The following UBE2D4 variants were observed in gnomAD, a reference collection of about 807,000 sequenced individuals.
The protein encoded by UBE2D4 is ubiquitin-conjugating enzyme E2 D4.
UBE2D4 carries 17 observed loss-of-function variants against 23.0 expected under a neutral mutation model. That is an observed-to-expected ratio of 0.74 (90% CI 0.51 to 1.11). UBE2D4 has a LOEUF of 1.11. Ranked by LOEUF, UBE2D4 falls within the 50% of genes least tolerant of loss-of-function variation. The probability of loss-of-function intolerance (pLI) is 0.00; values close to 1 mark genes in which losing one functional copy is unlikely to be tolerated. For synonymous variants in UBE2D4, 61 were observed against 69.4 expected (o/e 0.88, Z 0.60); for missense variants, 139 against 181.8 (o/e 0.76, Z 1.35).
rs749665888 is a variant in UBE2D4, at chr7:43,926,560, C to T, written c.24+4C>T. On this transcript the variant is annotated splice_donor_region_variant and intron_variant, in intron 1 of 6. Coordinates refer to ENST00000222402, the MANE Select transcript of UBE2D4 (RefSeq NM_015983.4). ...GGCGCTAAAGCGGATCCAGAAGGTA[C>T]GCACTTTCCCACCCTCCAACTCTTT... 4 of 1,570,300 alleles carry T rather than the reference C, an allele frequency of 2.5e-6. No individual in the cohort carries two copies. The highest frequency in any genetic ancestry group is 1.2e-5 in the South Asian group (1 of 86,296).
chr7:43,937,445 T>G (rs1245456502), intron 1 of UBE2D4, among the ~76,000 whole-genome samples: 1 of 152,220 alleles, frequency 6.6e-6, no homozygotes, highest in Non-Finnish European at 1.5e-5. Context: ...AATTCTCTTT[T>G]GGCCACTCCT....
At chr7:43,928,814 G>A (rs1245481529) in intron 1 of UBE2D4, among the ~76,000 whole-genome samples, 2 of 152,290 alleles carry the variant, frequency 1.3e-5, no homozygotes, top group East Asian at 3.9e-4. Flanking sequence ...AAGTTTTGAA[G>A]GCAGGGAGGA....
At chr7:43,940,378 A>C (rs1413282381) in intron 2 of UBE2D4, among the ~76,000 whole-genome samples, 2 of 152,164 alleles carry the variant, frequency 1.3e-5, no homozygotes, top group African/African-American at 2.4e-5. Flanking sequence ...CTTACCTGTC[A>C]CTTAAGATAA....
rs2095999994 is a variant in UBE2D4, at chr7:43,950,581, C to T, written c.305-18C>T. On this transcript the variant is annotated intron_variant, in intron 5 of 6. Coordinates refer to ENST00000222402, the MANE Select transcript of UBE2D4 (RefSeq NM_015983.4). ...AGCTTCGTGGCTACAGCTGACCAAC[C>T]TTTTCTTTTCTTCCCAGTTCTCTTG... 6.2e-7 allele frequency: 1 copy of T among 1,611,918 alleles called. No homozygotes were observed. Among genetic ancestry groups the T allele is most frequent in the Non-Finnish European group, 8.5e-7 (1 of 1,177,992 alleles).
chr7:43,933,675 C>A (rs149719900), intron 1 of UBE2D4, among the ~76,000 whole-genome samples: 125 of 152,238 alleles, frequency 8.2e-4, no homozygotes, highest in African/African-American at 2.8e-3. Context: ...ACCCAGTAGG[C>A]AGAGGTTGCA....
At chr7:43,932,958 C>T (rs1412439464) in intron 1 of UBE2D4, among the ~76,000 whole-genome samples, 1 of 140,790 alleles carries the variant, frequency 7.1e-6, no homozygotes, top group African/African-American at 2.7e-5. Context: ...CATCCAGTTC[C>T]CCTCCTGGGG....
chr7:43,930,835 T>C (rs1023177993), intron 1 of UBE2D4, among the ~76,000 whole-genome samples: 1 of 152,134 alleles, frequency 6.6e-6, no homozygotes, highest in African/African-American at 2.4e-5. Flanking sequence ...CATTCTTGCA[T>C]TGCTGTTAGG....
intron 1 of UBE2D4, among the ~76,000 whole-genome samples, chr7:43,927,839 G>A (rs2095936203): frequency 6.6e-6 from 1 of 152,200 alleles, no homozygotes. Context: ...TTTAGCACAT[G>A]CTTGCTGTAT....
Position 43,955,654 on chromosome 7 carries a change from ACTGT to A in UBE2D4, c.*2963_*2966del, listed in dbSNP as rs1459285620. On this transcript the variant is annotated 3_prime_UTR_variant, in exon 7 of 7. Coordinates refer to ENST00000222402, the MANE Select transcript of UBE2D4 (RefSeq NM_015983.4). ...AAGTGCCAGAGAAGGTGCTTCCAAGACTGTCTGCAGAATTCCTTTCCTAGGGTCT... is the reference window on the plus strand; with the variant it reads ...AAGTGCCAGAGAAGGTGCTTCCAAGACTGCAGAATTCCTTTCCTAGGGTCT... The A allele has an allele frequency of 2.0e-5, 3 of 152,142 alleles. No homozygotes were observed. The highest frequency in any genetic ancestry group is 4.4e-5 in the Non-Finnish European group (3 of 68,028). 9.4% of individuals were successfully genotyped at this position (152,142 alleles called of 1,614,324 possible).
chr7:43,928,020 C>T (rs759678620), intron 1 of UBE2D4: 25 of 451,766 alleles, frequency 5.5e-5, no homozygotes, highest in Non-Finnish European at 2.7e-5. Context: ...GCAGGCTGTA[C>T]AAGAAGCATG....
intron 1 of UBE2D4, among the ~76,000 whole-genome samples, chr7:43,938,049 G>A (rs1003994209): frequency 6.6e-6 from 1 of 152,048 alleles, no homozygotes; most frequent in African/African-American, 2.4e-5. Flanking sequence ...TCTCTCCTGG[G>A]CTGCTTTTCT....
At chr7:43,929,720 C>G (rs1171959131) in intron 1 of UBE2D4, among the ~76,000 whole-genome samples, 1 of 152,214 alleles carries the variant, frequency 6.6e-6, no homozygotes, top group Non-Finnish European at 1.5e-5. Flanking sequence ...GTTTTATGCT[C>G]TGCTGTCACT....
intron 1 of UBE2D4, among the ~76,000 whole-genome samples, chr7:43,931,431 A>G (rs1297942446): frequency 6.6e-6 from 1 of 152,214 alleles, no homozygotes; most frequent in Non-Finnish European, 1.5e-5. Context: ...GTGACAGAGT[A>G]AGACCGTATC....
chr7:43,952,749 C>T lies in UBE2D4; in HGVS notation c.*54C>T. 1 of 1,504,002 alleles carries T rather than the reference C, an allele frequency of 6.6e-7. No homozygotes were observed. The highest frequency in any genetic ancestry group is 9.3e-7 in the Non-Finnish European group (1 of 1,080,238). The allele number at this position is 1,504,002 out of a possible 1,614,324, so 93.2% of individuals were successfully genotyped here. A position where few individuals can be genotyped will look rare whatever the true frequency, so the allele number is the denominator to read the frequency against. On this transcript the variant is annotated 3_prime_UTR_variant, in exon 7 of 7. Transcript: ENST00000222402. ...GTCCAAGAGAAGCTGGCAGAGAGGT[C>T]TTCCCTTAAAACTTTGGGCTGTTGG...
chr7:43,952,877 A>C lies in UBE2D4; in HGVS notation c.*182A>C. Reference sequence around the variant, plus strand: ...GCCATTTTCAGCAATTACGGCTTTGACAGTGCCACCTCTTTGATGCCAAAT... The same window carrying C: ...GCCATTTTCAGCAATTACGGCTTTGCCAGTGCCACCTCTTTGATGCCAAAT... On this transcript the variant is annotated 3_prime_UTR_variant, in exon 7 of 7. Coordinates refer to ENST00000222402, the MANE Select transcript of UBE2D4 (RefSeq NM_015983.4). 1 of 574,550 alleles carries C rather than the reference A, an allele frequency of 1.7e-6. No individual in the cohort carries two copies. Among genetic ancestry groups the C allele is most frequent in the South Asian group, 1.9e-5 (1 of 54,000 alleles). The allele number at this position is 574,550 out of a possible 1,614,324, so 35.6% of individuals were successfully genotyped here. A position where few individuals can be genotyped will look rare whatever the true frequency, so the allele number is the denominator to read the frequency against.
chr7:43,952,200 G>A (rs1329315189), intron 6 of UBE2D4: 1 of 159,864 alleles, frequency 6.3e-6, no homozygotes, highest in African/African-American at 2.4e-5. Flanking sequence ...GGACACAGAG[G>A]GGCGGAACAG....
chr7:43,941,338 T>C (rs999877464), intron 2 of UBE2D4: 3 of 152,094 alleles, frequency 2.0e-5, no homozygotes, highest in African/African-American at 7.2e-5. Context: ...TGAATGTGAG[T>C]GTTTGGGCCA....
intron 1 of UBE2D4, chr7:43,928,080 A>G: frequency 2.2e-6 from 1 of 454,422 alleles, no homozygotes; most frequent in Non-Finnish European, 4.4e-6. Flanking sequence ...CAATCATGGC[A>G]GAAAGCAAAG....
At chr7:43,946,958 C>T (rs1485203176) in intron 4 of UBE2D4, among the ~76,000 whole-genome samples, 1 of 151,930 alleles carries the variant, frequency 6.6e-6, no homozygotes, top group Non-Finnish European at 1.5e-5. Context: ...TATACATGTG[C>T]CATGTTGGTT....
Sources: allele counts gnomAD v4.1 joint callset (sites outside exome capture counted in the v4.1 genomes callset), GRCh38; gene constraint gnomAD v4.1.1; transcripts MANE v1.5; gene names NCBI Gene and HGNC (gene_info 2026-07-23, HGNC 2026-07-21).